Variants in BORCS5 observed in about 807,000 individuals in gnomAD.
BORCS5 encodes BLOC-1 related complex subunit 5.
Under a neutral mutation model 22.1 loss-of-function variants are expected in BORCS5, and 17 were observed. The ratio of observed to expected loss-of-function variants is 0.77; its 90% CI spans 0.53 to 1.15. The LOEUF is 1.15. BORCS5 is among the 50% of genes most tolerant of loss of function. The pLI is 0.00. For synonymous variants in BORCS5, 117 were observed against 99.8 expected (o/e 1.17, Z -1.03); for missense variants, 247 against 253.2 (o/e 0.98, Z 0.17).
intron 2 of BORCS5, among the ~76,000 whole-genome samples, chr12:12,410,403 A>G (rs1318847925): frequency 2.0e-5 from 3 of 152,202 alleles, no homozygotes; most frequent in African/African-American, 4.8e-5. Flanking sequence ...TAGTTTTTGT[A>G]TAAGGTGTAA....
At chr12:12,445,557 A>G (rs1217800243) in intron 3 of BORCS5, among the ~76,000 whole-genome samples, 1 of 88,918 alleles carries the variant, frequency 1.1e-5, no homozygotes, top group Non-Finnish European at 2.1e-5. Context: ...TTTTTTTTAA[A>G]CTGATGGGTA....
At chr12:12,461,027 T>G (rs1326542838) in intron 3 of BORCS5, among the ~76,000 whole-genome samples, 1 of 152,218 alleles carries the variant, frequency 6.6e-6, no homozygotes, top group Non-Finnish European at 1.5e-5. Flanking sequence ...TATGCTCAAA[T>G]AACCTCCCCT....
In BORCS5 at chr12:12,400,069, C is replaced by G. The variant is rs537609927; in HGVS notation, c.203-35559C>G. ...TCCCACTAATCTTTGTTGTCAGTCA[C>G]TACTTAGAACCTTGGCTTCGCACCA... On this transcript the variant is annotated intron_variant, in intron 2 of 3. Transcript: ENST00000314565. Among the ~76,000 whole-genome samples, 4 of 152,368 alleles carry G rather than the reference C, an allele frequency of 2.6e-5. No individual in the cohort carries two copies. The South Asian group carries it at 8.3e-4, about 32-fold the overall frequency.
intron 2 of BORCS5, among the ~76,000 whole-genome samples, chr12:12,414,063 A>G (rs1390573981): frequency 3.4e-4 from 20 of 58,448 alleles, no homozygotes; most frequent in South Asian, 4.9e-4. Context: ...CGGGGGGCTG[A>G]TCCCCCCACA....
intron 3 of BORCS5, among the ~76,000 whole-genome samples, chr12:12,454,803 A>G (rs912394109): frequency 1.3e-5 from 2 of 152,162 alleles, no homozygotes; most frequent in Non-Finnish European, 2.9e-5. Flanking sequence ...ATATTATCTC[A>G]TTATAACCAT....
intron 2 of BORCS5, among the ~76,000 whole-genome samples, chr12:12,387,377 T>TA (rs1282908963): frequency 6.6e-6 from 1 of 151,562 alleles, no homozygotes; most frequent in East Asian, 1.9e-4. Flanking sequence ...TAATTCATAG[T>TA]AAAAACAATA....
intron 2 of BORCS5, among the ~76,000 whole-genome samples, chr12:12,415,952 C>G (rs547091237): frequency 1.3e-5 from 2 of 152,092 alleles, no homozygotes; most frequent in Admixed American, 6.5e-5. Flanking sequence ...ACTATCAGTT[C>G]CAGGGCTTTT....
At position 12,465,771 on chromosome 12, in the gene BORCS5, C is replaced by T. The variant is rs1427031428; in HGVS notation, c.586C>T (p.Leu196=). Residue 196 remains leucine (L), a synonymous_variant, in exon 4 of 4, where the codon CTG becomes TTG. Coordinates refer to ENST00000314565, the MANE Select transcript of BORCS5 (RefSeq NM_058169.6). ...FSMKPDRELR[L] is the part of the protein sequence containing the mutation. ...CATGAAGCCCGACCGCGAGCTCAGG[C>T]TGTAGCTGCTGCCCGGCCTGCCTGG... The T allele has an allele frequency of 1.9e-6, 3 of 1,611,206 alleles. No homozygotes were observed. Among genetic ancestry groups the T allele is most frequent in the East Asian group, 2.2e-5 (1 of 44,846 alleles).
chr12:12,400,308 C>T (rs1181886221), intron 2 of BORCS5, among the ~76,000 whole-genome samples: 1 of 152,126 alleles, frequency 6.6e-6, no homozygotes, highest in Non-Finnish European at 1.5e-5. Flanking sequence ...AATTGTCTGG[C>T]CTTGGTAACT....
At chr12:12,455,778 TAAA>T (rs144613630) in intron 3 of BORCS5, among the ~76,000 whole-genome samples, 96 of 142,032 alleles carry the variant, frequency 6.8e-4, no homozygotes, top group Non-Finnish European at 1.0e-3. Context: ...GACTCGGTCT[TAAA>T]AAAAAAAAAA....
intron 2 of BORCS5, among the ~76,000 whole-genome samples, chr12:12,389,870 T>G (rs545229705): frequency 1.3e-5 from 2 of 152,084 alleles, no homozygotes; most frequent in Non-Finnish European, 2.9e-5. Flanking sequence ...TCTTGAACTC[T>G]TGACCTCAAG....
At chr12:12,374,818 C>T (rs188292765) in intron 2 of BORCS5, among the ~76,000 whole-genome samples, 301 of 151,484 alleles carry the variant, frequency 2.0e-3, no homozygotes, top group African/African-American at 6.8e-3. Context: ...ATTAACCGGG[C>T]GTGGTGGCGC....
chr12:12,442,390 A>G (rs1942702778), intron 3 of BORCS5, among the ~76,000 whole-genome samples: 1 of 152,250 alleles, frequency 6.6e-6, no homozygotes, highest in Non-Finnish European at 1.5e-5. Context: ...ATTTTGTTAC[A>G]GTTCCTGTGT....
intron 2 of BORCS5, among the ~76,000 whole-genome samples, chr12:12,390,334 T>A (rs1478760852): frequency 2.0e-5 from 3 of 152,144 alleles, no homozygotes; most frequent in Non-Finnish European, 4.4e-5. Context: ...CTTTTTTACC[T>A]TTCCTAAATT....
intron 2 of BORCS5, among the ~76,000 whole-genome samples, chr12:12,366,466 C>CT (rs1369636448): frequency 6.6e-6 from 1 of 152,068 alleles, no homozygotes; most frequent in African/African-American, 2.4e-5. Flanking sequence ...ATATCTGTTC[C>CT]TTTTTTTATC....
At position 12,410,283 on chromosome 12, in the gene BORCS5, T is replaced by G. The variant is rs867792511; in HGVS notation, c.203-25345T>G. Among the ~76,000 whole-genome samples, 1,153 of 151,986 alleles carry G rather than the reference T, an allele frequency of 7.6e-3. 15 individuals carry two copies. Among genetic ancestry groups the G allele is most frequent in the African/African-American group, 0.025 (1,048 of 41,378 alleles). On this transcript the variant is annotated intron_variant, in intron 2 of 3. Transcript: ENST00000314565. ...TTGTTGCCATTGCTTTTGGTGTTTT[T>G]GACATGAAGTCCTTGCCCATGCCTA...
chr12:12,412,120 T>C (rs955854751), intron 2 of BORCS5, among the ~76,000 whole-genome samples: 1 of 152,238 alleles, frequency 6.6e-6, no homozygotes, highest in African/African-American at 2.4e-5. Flanking sequence ...TGAGATTCCA[T>C]ATGAATTTTT....
Position 12,388,820 on chromosome 12 carries a change from C to T in BORCS5, c.202+27471C>T, listed in dbSNP as rs141964158. 7.3e-4 allele frequency among the ~76,000 whole-genome samples: 111 copies of T among 151,174 alleles called. 1 individual carries two copies. The highest frequency in any genetic ancestry group is 3.4e-3 in the Middle Eastern group (1 of 292). ...GATTGAAACAGAACATCAAGGCAAC[C>T]CCACACATGAGATGGAAATTTAAAA... On this transcript the variant is annotated intron_variant, in intron 2 of 3. Transcript: ENST00000314565.
intron 2 of BORCS5, among the ~76,000 whole-genome samples, chr12:12,376,235 C>CTTTTTTT (rs538292018): frequency 7.3e-5 from 10 of 136,286 alleles, no homozygotes; most frequent in Admixed American, 3.0e-4. Context: ...GCTCTTCAGT[C>CTTTTTTT]TTTTTTTTTT....
Sources: allele counts gnomAD v4.1 joint callset (sites outside exome capture counted in the v4.1 genomes callset), GRCh38; gene constraint gnomAD v4.1.1; transcripts MANE v1.5; gene names NCBI Gene and HGNC (gene_info 2026-07-23, HGNC 2026-07-21).